DSCAM: variants seen among roughly 807,000 people sequenced by gnomAD.
DSCAM encodes DS cell adhesion molecule.
A neutral mutation model predicts 217.7 loss-of-function variants in DSCAM; 47 were observed. The ratio of observed to expected loss-of-function variants is 0.22; its 90% CI spans 0.17 to 0.28. DSCAM has a LOEUF of 0.28. Among genes scored for constraint, DSCAM ranks in the 10% least tolerant of loss-of-function variants. The probability of loss-of-function intolerance (pLI) is 1.00; values close to 1 mark genes in which losing one functional copy is unlikely to be tolerated. For synonymous variants in DSCAM, 1,056 were observed against 1,015.3 expected (o/e 1.04, Z -0.76); for missense variants, 2,080 against 2,618.3 (o/e 0.79, Z 4.49).
At chr21:40,719,757 T>C (rs2090881468) in intron 1 of DSCAM, among the ~76,000 whole-genome samples, 1 of 152,158 alleles carries the variant, frequency 6.6e-6, no homozygotes, top group Non-Finnish European at 1.5e-5. Flanking sequence ...TAATCTATGA[T>C]GTTGAGAGTC....
At chr21:40,041,873 G>T (rs1323619997) in intron 32 of DSCAM, among the ~76,000 whole-genome samples, 2 of 152,116 alleles carry the variant, frequency 1.3e-5, no homozygotes, top group Admixed American at 1.3e-4. Context: ...CAAGCAGTGG[G>T]GGCCTCTTTC....
chr21:40,239,922 G>C (rs552935292), intron 11 of DSCAM, among the ~76,000 whole-genome samples: 1 of 152,208 alleles, frequency 6.6e-6, no homozygotes, highest in African/African-American at 2.4e-5. Flanking sequence ...CTCTCCAGGC[G>C]AGCATCTCAG....
chr21:40,308,391 C>T (rs2074103224), intron 9 of DSCAM, among the ~76,000 whole-genome samples: 1 of 152,086 alleles, frequency 6.6e-6, no homozygotes, highest in Non-Finnish European at 1.5e-5. Flanking sequence ...GGCTGAATTC[C>T]CCTATTCTGG....
At chr21:40,319,809 T>A (rs2074240293) in intron 8 of DSCAM, among the ~76,000 whole-genome samples, 1 of 152,038 alleles carries the variant, frequency 6.6e-6, no homozygotes, top group Non-Finnish European at 1.5e-5. Flanking sequence ...CAATTCTCAC[T>A]CAGAGTGGGC....
chr21:40,572,397 A>G (rs1240557917), intron 3 of DSCAM, among the ~76,000 whole-genome samples: 1 of 152,162 alleles, frequency 6.6e-6, no homozygotes. Flanking sequence ...AGAAAGAGAA[A>G]CAAATACTGG....
rs1174541850 is a variant in DSCAM at position 40,555,253 on chromosome 21, G to A, written c.508+137557C>T. ...GCATTCCATTTGCTTGGGGAACACA[G>A]GGAAGAAAAAAGCACACGTGATCTT... On this transcript the variant is annotated intron_variant, in intron 3 of 32. Coordinates refer to ENST00000400454, the MANE Select transcript of DSCAM (RefSeq NM_001389.5). Among the ~76,000 whole-genome samples, 4 of 152,092 alleles carry A rather than the reference G, an allele frequency of 2.6e-5. 1 individual carries two copies. Among genetic ancestry groups the A allele is most frequent in the African/African-American group, 9.7e-5 (4 of 41,426 alleles).
intron 9 of DSCAM, among the ~76,000 whole-genome samples, chr21:40,305,074 T>C (rs2123471975): frequency 6.6e-6 from 1 of 152,024 alleles, no homozygotes; most frequent in East Asian, 1.9e-4. Context: ...TTGTAAAAAA[T>C]GCGATATCTG....
At chr21:40,183,965 G>A (rs1052635045) in intron 14 of DSCAM, among the ~76,000 whole-genome samples, 2 of 152,118 alleles carry the variant, frequency 1.3e-5, no homozygotes, top group African/African-American at 4.8e-5. Context: ...AGGGGCACAG[G>A]GACATAGCAT....
At chr21:40,084,782 T>A (rs971452236) in intron 23 of DSCAM, among the ~76,000 whole-genome samples, 2 of 152,118 alleles carry the variant, frequency 1.3e-5, no homozygotes, top group African/African-American at 2.4e-5. Flanking sequence ...AGAGTCATAA[T>A]ATAGTGCCTG....
chr21:40,320,917 T>C (rs1388582658), intron 8 of DSCAM, among the ~76,000 whole-genome samples: 1 of 152,222 alleles, frequency 6.6e-6, no homozygotes, highest in Non-Finnish European at 1.5e-5. Flanking sequence ...TTCATTTATG[T>C]GTATTTACTT....
At chr21:40,623,381 T>C (rs1214569417) in intron 3 of DSCAM, among the ~76,000 whole-genome samples, 1 of 152,206 alleles carries the variant, frequency 6.6e-6, no homozygotes, top group Non-Finnish European at 1.5e-5. Flanking sequence ...AAAATTGTGA[T>C]GTGTATATGT....
chr21:40,667,899 T>C (rs577449834), intron 3 of DSCAM, among the ~76,000 whole-genome samples: 3 of 152,348 alleles, frequency 2.0e-5, no homozygotes, highest in South Asian at 2.1e-4. Flanking sequence ...AATGGACTAA[T>C]ACACCTCTCC....
chr21:40,313,273 G>T (rs73371734), intron 8 of DSCAM, among the ~76,000 whole-genome samples: 1 of 151,838 alleles, frequency 6.6e-6, no homozygotes, highest in Non-Finnish European at 1.5e-5. Context: ...CACACTTTAC[G>T]TGTGTAACTT....
At chr21:40,739,616 C>T (rs577794284) in intron 1 of DSCAM, among the ~76,000 whole-genome samples, 20 of 152,266 alleles carry the variant, frequency 1.3e-4, no homozygotes, top group Admixed American at 7.2e-4. Flanking sequence ...ATTATTTTAA[C>T]TTCATCACCT....
At chr21:40,663,261 T>G (rs2090160698) in intron 3 of DSCAM, among the ~76,000 whole-genome samples, 1 of 75,050 alleles carries the variant, frequency 1.3e-5, no homozygotes, top group Admixed American at 1.8e-4. Context: ...TGTCAAAGTG[T>G]GTGTGTGGGG....
At chr21:40,662,931 AC>A (rs2090154387) in intron 3 of DSCAM, among the ~76,000 whole-genome samples, 1 of 152,166 alleles carries the variant, frequency 6.6e-6, no homozygotes, top group African/African-American at 2.4e-5. Flanking sequence ...TAAATGGGAA[AC>A]AAAATAAAAA....
At chr21:40,584,929 G>C (rs1397486482) in intron 3 of DSCAM, among the ~76,000 whole-genome samples, 1 of 152,122 alleles carries the variant, frequency 6.6e-6, no homozygotes, top group African/African-American at 2.4e-5. Context: ...AAATGGCTTG[G>C]TGCCGTCTTC....
At chr21:40,842,781 GC>G (rs983171088) in intron 1 of DSCAM, among the ~76,000 whole-genome samples, 8 of 152,098 alleles carry the variant, frequency 5.3e-5, no homozygotes, top group African/African-American at 1.7e-4. Flanking sequence ...CGCTGGTTCT[GC>G]CCCCCGTGAC....
chr21:40,015,424 TTTTTTTTC>T (rs1240228125), intron 32 of DSCAM, among the ~76,000 whole-genome samples: 14 of 151,836 alleles, frequency 9.2e-5, no homozygotes, highest in African/African-American at 3.4e-4. Context: ...ACTCTTTTTT[TTTTTTTTC>T]TTTTTTAAAC....
Sources: gnomAD v4.1 joint callset for allele counts (sites outside exome capture counted in the v4.1 genomes callset) on GRCh38, gnomAD v4.1.1 for gene constraint, MANE v1.5 for transcripts, NCBI Gene and HGNC (gene_info 2026-07-23, HGNC 2026-07-21) for gene names.